GRIA2: variants seen among roughly 807,000 people sequenced by gnomAD.
GRIA2 encodes glutamate ionotropic receptor AMPA type subunit 2, also known as glutamate receptor 2.
GRIA2 carries 14 observed loss-of-function variants against 97.3 expected under a neutral mutation model. That is an observed-to-expected ratio of 0.14 (90% confidence interval 0.10 to 0.23). GRIA2 has a LOEUF of 0.23. Ranked by LOEUF, GRIA2 falls within the 10% of genes least tolerant of loss-of-function variation. GRIA2 has a pLI of 1.00. For synonymous variants in GRIA2, 412 were observed against 387.8 expected, an observed-to-expected ratio of 1.06 and a Z score of -0.73; for missense variants, 558 against 1,069.8, an observed-to-expected ratio of 0.52 and a Z score of 6.67.
chr4:157,295,377 G>A (rs1000566600), intron 2 of GRIA2, among the ~76,000 whole-genome samples: 8 of 152,044 alleles, frequency 5.3e-5, no homozygotes, highest in Admixed American at 2.0e-4. Flanking sequence ...AATATTTGTG[G>A]CAGAGCTATA....
chr4:157,314,212 A>G (rs1021772042), intron 4 of GRIA2, among the ~76,000 whole-genome samples: 1 of 152,188 alleles, frequency 6.6e-6, no homozygotes, highest in South Asian at 2.1e-4. Flanking sequence ...AGGAAAATAC[A>G]CACTTGTGTA....
chr4:157,327,089 G>A (rs999327476), intron 6 of GRIA2, among the ~76,000 whole-genome samples: 2 of 152,048 alleles, frequency 1.3e-5, no homozygotes, highest in African/African-American at 4.8e-5. Context: ...TTGTAAAATC[G>A]TAATCATTCA....
At chr4:157,336,145 C>A (rs892022849) in intron 10 of GRIA2, among the ~76,000 whole-genome samples, 2 of 151,962 alleles carry the variant, frequency 1.3e-5, no homozygotes, top group African/African-American at 4.8e-5. Context: ...GGATGCAGTG[C>A]AGATGTGTAA....
intron 2 of GRIA2, among the ~76,000 whole-genome samples, chr4:157,256,226 A>AACATATATTAC (rs1554007393): frequency 1.7e-5 from 2 of 119,842 alleles, no homozygotes; most frequent in South Asian, 2.3e-4. Flanking sequence ...TATAATATAT[A>AACATATATTAC]ATATATAATA....
intron 3 of GRIA2, among the ~76,000 whole-genome samples, chr4:157,305,992 G>C (rs998361643): frequency 6.6e-6 from 1 of 152,138 alleles, no homozygotes; most frequent in African/African-American, 2.4e-5. Flanking sequence ...TAGAAAGAGA[G>C]TTAATGTTCA....
intron 2 of GRIA2, among the ~76,000 whole-genome samples, chr4:157,262,926 C>A (rs1731611808): frequency 2.0e-5 from 3 of 152,032 alleles, no homozygotes; most frequent in African/African-American, 7.2e-5. Context: ...GAAAAAGCAA[C>A]ACAAAACCGA....
At chr4:157,299,027 AAAGAT>A (rs1733493389) in intron 2 of GRIA2, among the ~76,000 whole-genome samples, 1 of 152,026 alleles carries the variant, frequency 6.6e-6, no homozygotes. Context: ...TAAGGCAGTG[AAAGAT>A]AATTAGAGCG....
chr4:157,319,292 G>A (rs923214772), intron 5 of GRIA2, among the ~76,000 whole-genome samples: 1 of 152,176 alleles, frequency 6.6e-6, no homozygotes, highest in African/African-American at 2.4e-5. Flanking sequence ...CTTTAAAAAT[G>A]TACAGATGGA....
intron 2 of GRIA2, among the ~76,000 whole-genome samples, chr4:157,242,100 A>G (rs1222700459): frequency 1.3e-5 from 2 of 152,030 alleles, no homozygotes; most frequent in Admixed American, 6.6e-5. Context: ...TTGTGTTGGC[A>G]GCATAGTTGA....
Position 157,363,686 on chromosome 4 carries a change from A to G in GRIA2, c.*255A>G, listed in dbSNP as rs1302509335. 5.9e-6 allele frequency: 4 copies of G among 681,042 alleles called. No homozygotes were observed. The highest frequency in any genetic ancestry group is 4.4e-5 in the Admixed American group (1 of 22,972). 42.2% of individuals were successfully genotyped at this position (681,042 alleles called of 1,614,324 possible). A position where few individuals can be genotyped will look rare whatever the true frequency, so the allele number is the denominator to read the frequency against. On this transcript the variant is annotated 3_prime_UTR_variant, in exon 16 of 16. Coordinates refer to ENST00000264426, the MANE Select transcript of GRIA2 (RefSeq NM_001083619.3). Reference sequence around the variant, plus strand: ...GTGAGAGGCATCCAGTATCTTGAAGACTTTTCTTTCAGCCAAGAATTCTTA... The same window carrying G: ...GTGAGAGGCATCCAGTATCTTGAAGGCTTTTCTTTCAGCCAAGAATTCTTA...
intron 2 of GRIA2, among the ~76,000 whole-genome samples, chr4:157,285,421 T>G (rs1055996197): frequency 6.6e-6 from 1 of 151,660 alleles, no homozygotes; most frequent in African/African-American, 2.4e-5. Flanking sequence ...TTTATAAATT[T>G]TTTATGGTTT....
intron 2 of GRIA2, among the ~76,000 whole-genome samples, chr4:157,281,161 G>C: frequency 6.6e-6 from 1 of 152,054 alleles, no homozygotes; most frequent in East Asian, 1.9e-4. Context: ...TTTAATAACA[G>C]AAACAGGAGG....
rs1560781863 is a variant in GRIA2, at chr4:157,356,216, T to TATATTTATATATATTTTTTTAG, written c.2044-3679_2044-3678insTATTTATATATATTTTTTTAGA. Reference sequence around the variant, plus strand: ...ATATATATTTATATATATATTTATATAGAGAGAGAGAGTTTAAATTTCGTG... The same window carrying TATATTTATATATATTTTTTTAG: ...ATATATATTTATATATATATTTATATATATTTATATATATTTTTTTAGAGAGAGAGAGAGTTTAAATTTCGTG... On this transcript the variant is annotated intron_variant, in intron 12 of 15. Transcript: ENST00000264426. 2.6e-4 allele frequency among the ~76,000 whole-genome samples: 23 copies of TATATTTATATATATTTTTTTAG among 89,004 alleles called. No homozygotes were observed. The Admixed American group carries it at 2.6e-3, about 10-fold the overall frequency. 58.4% of individuals were successfully genotyped at this position (89,004 alleles called of 152,430 possible).
Position 157,234,219 on chromosome 4 carries a change from T to A in GRIA2, c.229+12412T>A, listed in dbSNP as rs1449403146. Among the ~76,000 whole-genome samples the A allele has an allele frequency of 2.0e-5, 3 of 152,078 alleles. No homozygotes were observed. In the East Asian group the frequency reaches 5.8e-4, roughly 29 times the overall value. On this transcript the variant is annotated intron_variant, in intron 2 of 15. Coordinates refer to ENST00000264426, the MANE Select transcript of GRIA2 (RefSeq NM_001083619.3). Reference sequence around the variant, plus strand: ...TAATATAGTGATTAATACTGCTAATTTCAGTGATTCCAATTCCCCTGAGTA... The same window carrying A: ...TAATATAGTGATTAATACTGCTAATATCAGTGATTCCAATTCCCCTGAGTA...
intron 6 of GRIA2, among the ~76,000 whole-genome samples, chr4:157,329,967 T>C (rs919654808): frequency 6.6e-6 from 1 of 151,966 alleles, no homozygotes; most frequent in East Asian, 1.9e-4. Flanking sequence ...TGAAGCTGGG[T>C]AAAATGAAAG....
At chr4:157,243,510 A>C (rs1305019369) in intron 2 of GRIA2, among the ~76,000 whole-genome samples, 1 of 152,132 alleles carries the variant, frequency 6.6e-6, no homozygotes, top group African/African-American at 2.4e-5. Context: ...TGAAGGACAA[A>C]GCATTTTCTT....
At chr4:157,300,112 T>G (rs969722261) in intron 2 of GRIA2, among the ~76,000 whole-genome samples, 2 of 146,162 alleles carry the variant, frequency 1.4e-5, no homozygotes, top group Admixed American at 1.4e-4. Context: ...AAACCTTCCT[T>G]CATTACAGGA....
intron 2 of GRIA2, among the ~76,000 whole-genome samples, chr4:157,303,336 C>T (rs1733696816): frequency 6.6e-6 from 1 of 152,018 alleles, no homozygotes; most frequent in Non-Finnish European, 1.5e-5. Flanking sequence ...TTTCTTGTAA[C>T]CAGAACTACT....
chr4:157,362,664 A>G, intron 14 of GRIA2, 135 bp from the exon 15 acceptor site: 1 of 768,054 alleles, frequency 1.3e-6, no homozygotes, highest in South Asian at 1.7e-5. Flanking sequence ...ATCTAAGAGA[A>G]AATCCATTGT....
Sources: gnomAD v4.1 joint callset for allele counts (sites outside exome capture counted in the v4.1 genomes callset) on GRCh38, gnomAD v4.1.1 for gene constraint, MANE v1.5 for transcripts, NCBI Gene and HGNC (gene_info 2026-07-23, HGNC 2026-07-21) for gene names.